KCNH7: variants seen among roughly 807,000 people sequenced by gnomAD.
The protein encoded by KCNH7 is potassium voltage-gated channel subfamily H member 7, also known as voltage-gated inwardly rectifying potassium channel KCNH7.
KCNH7 carries 49 observed loss-of-function variants against 120.8 expected under a neutral mutation model. The observed-to-expected ratio is 0.41, with a 90% CI of 0.32 to 0.51. KCNH7 has a LOEUF of 0.51. KCNH7 is among the 20% of genes least tolerant of loss of function. The pLI is 0.38. For synonymous variants in KCNH7, 547 were observed against 516.1 expected (o/e 1.06, Z -0.81); for missense variants, 1,097 against 1,446.6 (o/e 0.76, Z 3.92).
intron 7 of KCNH7, among the ~76,000 whole-genome samples, chr2:162,439,897 A>G (rs1286193262): frequency 2.0e-5 from 3 of 151,762 alleles, no homozygotes; most frequent in Non-Finnish European, 2.9e-5. Flanking sequence ...TCCAGACTCA[A>G]GAAGACTGTG....
chr2:162,456,826 C>A (rs555663155), intron 6 of KCNH7, among the ~76,000 whole-genome samples: 1 of 152,154 alleles, frequency 6.6e-6, no homozygotes, highest in East Asian at 1.9e-4. Flanking sequence ...GGATTTCAAA[C>A]CCCTGCTTTT....
intron 2 of KCNH7, among the ~76,000 whole-genome samples, chr2:162,557,928 T>C (rs968561392): frequency 6.6e-6 from 1 of 152,220 alleles, no homozygotes; most frequent in African/African-American, 2.4e-5. Context: ...ACAAGTTTGC[T>C]GATAATTTCT....
At chr2:162,545,430 A>T (rs1692446068) in intron 2 of KCNH7, among the ~76,000 whole-genome samples, 1 of 152,070 alleles carries the variant, frequency 6.6e-6, no homozygotes. Flanking sequence ...GAGAGGGAGG[A>T]AAGTAAATAT....
chr2:162,437,931 A>G (rs1331465872), intron 7 of KCNH7, among the ~76,000 whole-genome samples: 1 of 152,020 alleles, frequency 6.6e-6, no homozygotes, highest in Non-Finnish European at 1.5e-5. Flanking sequence ...GACTGCTCAG[A>G]CTCTGGTAGG....
rs558700833 is a variant in KCNH7, at chr2:162,781,031, G to T, written c.307+55506C>A. 4.6e-5 allele frequency among the ~76,000 whole-genome samples: 7 copies of T among 151,982 alleles called. No homozygotes were observed. In the South Asian group the frequency reaches 1.5e-3, roughly 32 times the overall value. ...TTACATATCCAATCTATATTGTATA[G>T]AATCAGAATTTTATAGCTGAAATGG... On this transcript the variant is annotated intron_variant, in intron 2 of 15. Transcript: ENST00000332142.
intron 13 of KCNH7, among the ~76,000 whole-genome samples, chr2:162,382,466 T>C (rs1365351221): frequency 6.6e-6 from 1 of 152,064 alleles, no homozygotes; most frequent in South Asian, 2.1e-4. Context: ...AATGTTGCTA[T>C]AGTTGCAAGA....
At chr2:162,761,327 T>C (rs968758241) in intron 2 of KCNH7, among the ~76,000 whole-genome samples, 1 of 152,088 alleles carries the variant, frequency 6.6e-6, no homozygotes, top group Admixed American at 6.6e-5. Flanking sequence ...TGGAAATATC[T>C]TTCTTCTTCT....
chr2:162,510,776 G>A (rs889068657), intron 5 of KCNH7, among the ~76,000 whole-genome samples: 20 of 151,548 alleles, frequency 1.3e-4, no homozygotes, highest in African/African-American at 4.8e-4. Flanking sequence ...ATGCACACTT[G>A]GGGGTTCCTG....
chr2:162,632,109 A>G (rs1017726804), intron 2 of KCNH7, among the ~76,000 whole-genome samples: 1 of 152,020 alleles, frequency 6.6e-6, no homozygotes, highest in African/African-American at 2.4e-5. Flanking sequence ...AGATAAGGTT[A>G]TATAATAGGC....
chr2:162,627,605 A>C (rs2105209750), intron 2 of KCNH7, among the ~76,000 whole-genome samples: 1 of 152,266 alleles, frequency 6.6e-6, no homozygotes, highest in South Asian at 2.1e-4. Flanking sequence ...TGAGACTATG[A>C]TTGATTTTCA....
At chr2:162,494,747 G>A (rs569938572) in intron 6 of KCNH7, among the ~76,000 whole-genome samples, 79 of 152,092 alleles carry the variant, frequency 5.2e-4, no homozygotes, top group Non-Finnish European at 9.4e-4. Context: ...TATAGGACTT[G>A]GACAGGAGCT....
chr2:162,380,709 G>A (rs75248130), intron 13 of KCNH7, among the ~76,000 whole-genome samples: 3,130 of 151,908 alleles, frequency 0.021, 216 homozygotes, highest in Admixed American at 0.15. Flanking sequence ...ATATTGCTAT[G>A]TTACTCTACT....
intron 7 of KCNH7, among the ~76,000 whole-genome samples, chr2:162,441,651 C>A (rs1171773975): frequency 1.3e-5 from 2 of 152,008 alleles, no homozygotes. Flanking sequence ...TTAAGATTTG[C>A]CATAGATGAG....
At chr2:162,730,194 C>A in intron 2 of KCNH7, among the ~76,000 whole-genome samples, 1 of 148,538 alleles carries the variant, frequency 6.7e-6, no homozygotes, top group Non-Finnish European at 1.5e-5. Flanking sequence ...AACCATGGAT[C>A]CAAAATATAT....
intron 2 of KCNH7, among the ~76,000 whole-genome samples, chr2:162,571,250 AACAG>A (rs1285025698): frequency 6.6e-6 from 1 of 152,118 alleles, no homozygotes; most frequent in African/African-American, 2.4e-5. Context: ...ATACACCAAC[AACAG>A]ACAAACAGAG....
At chr2:162,809,233 C>T (rs1195691607) in intron 2 of KCNH7, among the ~76,000 whole-genome samples, 1 of 152,148 alleles carries the variant, frequency 6.6e-6, no homozygotes, top group Admixed American at 6.5e-5. Flanking sequence ...ATTTACCCAG[C>T]AACTGTCCCC....
intron 6 of KCNH7, among the ~76,000 whole-genome samples, chr2:162,484,004 A>G (rs772088338): frequency 2.6e-5 from 4 of 152,154 alleles, no homozygotes; most frequent in African/African-American, 7.2e-5. Context: ...CTGGAGTCAG[A>G]GTCCAGAAAT....
At chr2:162,583,240 G>A (rs559786664) in intron 2 of KCNH7, among the ~76,000 whole-genome samples, 2 of 152,148 alleles carry the variant, frequency 1.3e-5, no homozygotes, top group East Asian at 3.9e-4. Context: ...TTAGTAGCAA[G>A]AGAAGATACA....
intron 12 of KCNH7, among the ~76,000 whole-genome samples, 176 bp downstream of exon 12, chr2:162,394,213 G>C (rs1361702697): frequency 1.3e-5 from 2 of 151,952 alleles, no homozygotes; most frequent in South Asian, 2.1e-4. Context: ...ATATCATTGA[G>C]AGCTATCAAT....
Sources: gnomAD v4.1 joint callset for allele counts (sites outside exome capture counted in the v4.1 genomes callset) on GRCh38, gnomAD v4.1.1 for gene constraint, MANE v1.5 for transcripts, NCBI Gene and HGNC (gene_info 2026-07-23, HGNC 2026-07-21) for gene names.